Variants in HPSE2 observed in about 807,000 individuals in gnomAD.
HPSE2 encodes inactive heparanase-2.
Under a neutral mutation model 60.5 loss-of-function variants are expected in HPSE2, and 38 were observed. The observed-to-expected ratio is 0.63, with a 90% CI of 0.48 to 0.82. The LOEUF (loss-of-function observed/expected upper bound fraction) is 0.82. Among genes scored for constraint, HPSE2 ranks in the 40% least tolerant of loss-of-function variants. HPSE2 has a pLI of 0.00. For synonymous variants in HPSE2, 295 were observed against 293.2 expected, an observed-to-expected ratio of 1.01 and a Z score of -0.06; for missense variants, 713 against 740.4, an observed-to-expected ratio of 0.96 and a Z score of 0.43.
intron 3 of HPSE2, among the ~76,000 whole-genome samples, chr10:99,120,372 A>C (rs1454372348): frequency 6.6e-6 from 1 of 152,256 alleles, no homozygotes; most frequent in African/African-American, 2.4e-5. Flanking sequence ...ATGCAAATCA[A>C]AACCACAATA....
At chr10:98,721,524 CTA>C in intron 5 of HPSE2, 131 bp downstream of exon 5, 1 of 833,068 alleles carries the variant, frequency 1.2e-6, no homozygotes, top group Non-Finnish European at 1.9e-6. Context: ...GGTGAAGCCA[CTA>C]TGGAAAGAGT....
intron 3 of HPSE2, among the ~76,000 whole-genome samples, chr10:98,781,584 T>C (rs1478837188): frequency 1.3e-5 from 2 of 152,024 alleles, no homozygotes; most frequent in South Asian, 4.1e-4. Context: ...AAAGAAAAAA[T>C]ATAAAAATCC....
At chr10:99,134,237 A>G (rs1845557241) in intron 3 of HPSE2, among the ~76,000 whole-genome samples, 1 of 152,236 alleles carries the variant, frequency 6.6e-6, no homozygotes, top group Admixed American at 6.5e-5. Context: ...GACCAAATCT[A>G]CATCTAATTG....
intron 3 of HPSE2, among the ~76,000 whole-genome samples, chr10:98,885,371 T>C (rs968568890): frequency 1.3e-5 from 2 of 152,178 alleles, no homozygotes; most frequent in African/African-American, 4.8e-5. Context: ...CAGCAAAGTA[T>C]TTAAAATATT....
At chr10:98,815,587 G>A (rs776306578) in intron 3 of HPSE2, among the ~76,000 whole-genome samples, 3 of 152,242 alleles carry the variant, frequency 2.0e-5, no homozygotes, top group Non-Finnish European at 4.4e-5. Context: ...AACCTGAAAG[G>A]ATGCAACCTA....
In HPSE2 at chr10:98,721,687, G is replaced by A. The variant is rs774313044; in HGVS notation, c.926C>T (p.Pro309Leu). ...TAGGAGGGCGATGACATTCTTCCTC[G>A]GCCGCCCAATATTAGGGCCATATAA... Reference protein sequence around the residue: ...ASLYGPNIGRPRKNVIALLDG... With the variant: ...ASLYGPNIGRLRKNVIALLDG... Residue 309 changes from proline to leucine, a missense_variant, in exon 5 of 12, where the codon CCG becomes CTG. Transcript: ENST00000370552. 15 of 1,613,390 alleles carry A rather than the reference G, an allele frequency of 9.3e-6. No homozygotes were observed. The highest frequency in any genetic ancestry group is 3.3e-5 in the South Asian group (3 of 91,040).
intron 2 of HPSE2, among the ~76,000 whole-genome samples, chr10:99,178,702 T>A (rs1178617597): frequency 6.6e-6 from 1 of 152,188 alleles, no homozygotes; most frequent in Non-Finnish European, 1.5e-5. Context: ...AAAGAGGAGC[T>A]GGTACCATTC....
intron 3 of HPSE2, among the ~76,000 whole-genome samples, chr10:98,838,397 A>G (rs1951839618): frequency 6.6e-6 from 1 of 152,122 alleles, no homozygotes; most frequent in Non-Finnish European, 1.5e-5. Context: ...TATTATTTCT[A>G]TCTGTGATAT....
intron 9 of HPSE2, among the ~76,000 whole-genome samples, chr10:98,598,746 G>C (rs896968403): frequency 1.3e-5 from 2 of 152,018 alleles, no homozygotes; most frequent in Non-Finnish European, 2.9e-5. Context: ...TCTTGACCTT[G>C]GGTCAACTGG....
chr10:99,149,839 C>T (rs776644752), intron 2 of HPSE2, among the ~76,000 whole-genome samples: 70 of 150,658 alleles, frequency 4.6e-4, no homozygotes, highest in Non-Finnish European at 8.3e-4. Context: ...AAACTCTAAA[C>T]GAAAAATTAA....
In HPSE2 at chr10:98,467,663, G is replaced by A. The variant is rs557999820; in HGVS notation, c.1614-7924C>T. 6.6e-4 allele frequency among the ~76,000 whole-genome samples: 101 copies of A among 152,246 alleles called. 1 individual carries two copies. The South Asian group carries it at 0.021, about 31-fold the overall frequency. On this transcript the variant is annotated intron_variant, in intron 11 of 11. Transcript: ENST00000370552. Reference sequence around the variant, plus strand: ...AATGGTGCCAGGACAGTCTGACTTCGGGGTGGCACCCAGGAAGCCGGAATG... The same window carrying A: ...AATGGTGCCAGGACAGTCTGACTTCAGGGTGGCACCCAGGAAGCCGGAATG...
intron 3 of HPSE2, among the ~76,000 whole-genome samples, chr10:98,745,693 C>A (rs1949612546): frequency 6.6e-6 from 1 of 151,982 alleles, no homozygotes; most frequent in African/African-American, 2.4e-5. Context: ...ACAGTGTATC[C>A]CAAGGTATGG....
At chr10:98,891,178 C>T (rs949283282) in intron 3 of HPSE2, among the ~76,000 whole-genome samples, 1 of 151,928 alleles carries the variant, frequency 6.6e-6, no homozygotes, top group South Asian at 2.1e-4. Context: ...CTTTACATTT[C>T]CCCAAAATGT....
At chr10:98,586,167 C>T (rs889587661) in intron 9 of HPSE2, among the ~76,000 whole-genome samples, 1 of 152,140 alleles carries the variant, frequency 6.6e-6, no homozygotes, top group African/African-American at 2.4e-5. Context: ...GATTCATATA[C>T]AATAGAATTG....
chr10:98,633,210 A>G (rs1946411425), intron 7 of HPSE2, among the ~76,000 whole-genome samples: 1 of 151,478 alleles, frequency 6.6e-6, no homozygotes, highest in African/African-American at 2.4e-5. Flanking sequence ...TTCCCTTTTT[A>G]TTTTTGGAAA....
intron 2 of HPSE2, among the ~76,000 whole-genome samples, chr10:99,177,264 A>G (rs1847562764): frequency 6.6e-6 from 1 of 152,208 alleles, no homozygotes; most frequent in African/African-American, 2.4e-5. Context: ...TCAAATTCAC[A>G]CATAACAATA....
At chr10:99,031,380 C>A (rs1019989250) in intron 3 of HPSE2, among the ~76,000 whole-genome samples, 1 of 152,122 alleles carries the variant, frequency 6.6e-6, no homozygotes, top group Admixed American at 6.5e-5. Flanking sequence ...TCTCATATAA[C>A]CCTATGCATT....
At chr10:99,048,061 A>G in intron 3 of HPSE2, 1 of 712,334 alleles carries the variant, frequency 1.4e-6, no homozygotes, top group Non-Finnish European at 2.5e-6. Flanking sequence ...CATATATTGC[A>G]TGGGGGTACC....
Position 99,126,803 on chromosome 10 carries a change from G to C in HPSE2, c.610+17435C>G, listed in dbSNP as rs1197369968. On this transcript the variant is annotated intron_variant, in intron 3 of 11. Transcript: ENST00000370552. This position sits in a 1 kb window ranked among gnomAD's most constrained non-coding sequence, Gnocchi z 4.0. ...CTAGTATCCATGGCTGAGACCTGAA[G>C]ATGGATCACATCATAGGACTCTTTG... 6.6e-6 allele frequency among the ~76,000 whole-genome samples: 1 copy of C among 152,188 alleles called. No homozygotes were observed. The highest frequency in any genetic ancestry group is 2.4e-5 in the African/African-American group (1 of 41,456).
Sources: gnomAD v4.1 joint callset for allele counts (sites outside exome capture counted in the v4.1 genomes callset) on GRCh38, gnomAD v4.1.1 for gene constraint, Gnocchi (gnomAD v3.1) non-coding constraint, MANE v1.5 for transcripts, NCBI Gene and HGNC (gene_info 2026-07-23, HGNC 2026-07-21) for gene names.